CMSS1: variants seen among roughly 807,000 people sequenced by gnomAD.
The protein encoded by CMSS1 is cms1 ribosomal small subunit homolog.
A neutral mutation model predicts 43.5 loss-of-function variants in CMSS1; 33 were observed. That is an observed-to-expected ratio of 0.76 (90% CI 0.57 to 1.01). The LOEUF is 1.01. Among genes scored for constraint, CMSS1 ranks in the 50% least tolerant of loss-of-function variants. CMSS1 has a pLI of 0.00. For missense variants in CMSS1, 313 were observed against 326.4 expected (o/e 0.96, Z 0.32); for synonymous variants, 115 against 117.2 (o/e 0.98, Z 0.12).
chr3:99,822,681 G>A (rs1576488882), intron 1 of CMSS1, among the ~76,000 whole-genome samples: 1 of 151,986 alleles, frequency 6.6e-6, no homozygotes, highest in African/African-American at 2.4e-5. Flanking sequence ...GCAGTGAGCC[G>A]AGGTCGTGCC....
In CMSS1 at chr3:100,135,437, CATGTGT is replaced by C. The variant is rs1397429413; in HGVS notation, c.65-11535_65-11530del. On this transcript the variant is annotated intron_variant, in intron 1 of 9. Coordinates refer to ENST00000421999, the MANE Select transcript of CMSS1 (RefSeq NM_032359.4). ...CCTGAGGAGCCTTTGTGTGTGTGTG[CATGTGT>C]GTGTGTGTGTGTGTGTGTGTGTGTG... Among the ~76,000 whole-genome samples, 124 of 60,186 alleles carry C rather than the reference CATGTGT, an allele frequency of 2.1e-3. 1 individual carries two copies. Among genetic ancestry groups the C allele is most frequent in the African/African-American group, 5.4e-3 (86 of 16,012 alleles). The allele number at this position is 60,186 out of a possible 152,430, so 39.5% of individuals were successfully genotyped here. A position where few individuals can be genotyped will look rare whatever the true frequency, so the allele number is the denominator to read the frequency against.
chr3:100,070,068 A>G (rs1401713326), intron 1 of CMSS1, among the ~76,000 whole-genome samples: 1 of 152,258 alleles, frequency 6.6e-6, no homozygotes, highest in Non-Finnish European at 1.5e-5. Context: ...AAGGATGTAC[A>G]CATGGCACTG....
At chr3:100,074,878 G>C (rs2065825079) in intron 1 of CMSS1, among the ~76,000 whole-genome samples, 1 of 151,286 alleles carries the variant, frequency 6.6e-6, no homozygotes, top group African/African-American at 2.4e-5. Flanking sequence ...CTTTTTAATA[G>C]AGACAGGGTT....
At chr3:99,870,887 G>C (rs543803383) in intron 1 of CMSS1, among the ~76,000 whole-genome samples, 98 of 152,164 alleles carry the variant, frequency 6.4e-4, no homozygotes, top group Non-Finnish European at 1.1e-3. Flanking sequence ...GAGGCACAGA[G>C]ATTAGAGAAA....
At chr3:99,966,983 T>A (rs534907905) in intron 1 of CMSS1, among the ~76,000 whole-genome samples, 3 of 152,214 alleles carry the variant, frequency 2.0e-5, no homozygotes, top group African/African-American at 7.2e-5. Context: ...GGGGATTGGA[T>A]GGCTGTTAGG....
chr3:99,924,321 T>C (rs1232222076), intron 1 of CMSS1: 1 of 1,613,902 alleles, frequency 6.2e-7, no homozygotes, highest in Non-Finnish European at 8.5e-7. Flanking sequence ...AACTCCAATA[T>C]GGTTTGCCTA....
chr3:99,916,979 T>C (rs1415596613), intron 1 of CMSS1, among the ~76,000 whole-genome samples: 1 of 152,232 alleles, frequency 6.6e-6, no homozygotes, highest in East Asian at 1.9e-4. Context: ...TTTTCACTTA[T>C]GAGGCAAAAA....
chr3:99,820,445 C>T lies in CMSS1; in HGVS notation c.64+2402C>T, dbSNP rs182959948. 5.0e-4 allele frequency among the ~76,000 whole-genome samples: 76 copies of T among 152,286 alleles called. No homozygotes were observed. The East Asian group carries it at 0.013, about 26-fold the overall frequency. On this transcript the variant is annotated intron_variant, in intron 1 of 9. Coordinates refer to ENST00000421999, the MANE Select transcript of CMSS1 (RefSeq NM_032359.4). Reference sequence around the variant, plus strand: ...CTCCTGACCTGAAGTGATCTGCTCGCCTTGGCCTCCCAAAGTGCTGGGATT... The same window carrying T: ...CTCCTGACCTGAAGTGATCTGCTCGTCTTGGCCTCCCAAAGTGCTGGGATT...
chr3:100,091,102 G>A (rs757593266), intron 1 of CMSS1, among the ~76,000 whole-genome samples: 2 of 151,774 alleles, frequency 1.3e-5, no homozygotes, highest in African/African-American at 2.4e-5. Context: ...TGGCTAACAC[G>A]GTGAAACCCC....
At chr3:100,117,036 G>T (rs2066576170) in intron 1 of CMSS1, among the ~76,000 whole-genome samples, 1 of 152,116 alleles carries the variant, frequency 6.6e-6, no homozygotes, top group African/African-American at 2.4e-5. Context: ...AAGGTGTGAA[G>T]ATGTCATGGA....
chr3:100,005,601 G>T (rs192782890), intron 1 of CMSS1, among the ~76,000 whole-genome samples: 1 of 152,180 alleles, frequency 6.6e-6, no homozygotes, highest in African/African-American at 2.4e-5. Context: ...GAATTCCAAT[G>T]ATTCTAAAGT....
At chr3:100,107,637 C>G (rs1164716556) in intron 1 of CMSS1, among the ~76,000 whole-genome samples, 2 of 151,978 alleles carry the variant, frequency 1.3e-5, no homozygotes, top group African/African-American at 4.8e-5. Flanking sequence ...GTTGGAAATT[C>G]CTTGTTTTAA....
At chr3:100,077,862 C>T (rs1460552429) in intron 1 of CMSS1, among the ~76,000 whole-genome samples, 1 of 151,998 alleles carries the variant, frequency 6.6e-6, no homozygotes, top group East Asian at 1.9e-4. Flanking sequence ...AAGCTGTGTT[C>T]GCATCACTAC....
rs556652183 is a variant in CMSS1, at chr3:100,030,788, G to A, written c.65-116185G>A. 1.7e-4 allele frequency among the ~76,000 whole-genome samples: 26 copies of A among 152,268 alleles called. No homozygotes were observed. The South Asian group carries it at 5.0e-3, about 29-fold the overall frequency. On this transcript the variant is annotated intron_variant, in intron 1 of 9. Transcript: ENST00000421999. ...TGAAATCAATCCGTTTTCCCTCCCTGTAGCAAGGATGTGGTATGGCAAAAG... is the reference window on the plus strand; with the variant it reads ...TGAAATCAATCCGTTTTCCCTCCCTATAGCAAGGATGTGGTATGGCAAAAG...
chr3:100,014,635 C>T (rs974214125), intron 1 of CMSS1, among the ~76,000 whole-genome samples: 1 of 151,948 alleles, frequency 6.6e-6, no homozygotes, highest in African/African-American at 2.4e-5. Context: ...ATTTGGATGT[C>T]TTCTTTTGAG....
intron 1 of CMSS1, among the ~76,000 whole-genome samples, chr3:100,048,709 A>C (rs4928151): frequency 0.61 from 92,588 of 152,024 alleles, 28,340 homozygotes; most frequent in East Asian, 0.72. Context: ...AATCAAGTCC[A>C]GGTGGGTTTT....
intron 1 of CMSS1, among the ~76,000 whole-genome samples, chr3:100,145,938 G>C (rs2066845888): frequency 1.3e-5 from 2 of 152,212 alleles, no homozygotes; most frequent in South Asian, 2.1e-4. Flanking sequence ...CAGTCAAGTT[G>C]ACACATAAGA....
intron 1 of CMSS1, among the ~76,000 whole-genome samples, chr3:99,937,518 G>A (rs1037833647): frequency 2.0e-5 from 3 of 152,230 alleles, no homozygotes; most frequent in Non-Finnish European, 2.9e-5. Flanking sequence ...TTAAATCACA[G>A]CTCCAACATG....
At chr3:100,123,722 G>C (rs2066639950) in intron 1 of CMSS1, among the ~76,000 whole-genome samples, 1 of 152,128 alleles carries the variant, frequency 6.6e-6, no homozygotes. Context: ...ATTTCTCTCT[G>C]CCTGATGATT....
Sources: allele counts gnomAD v4.1 joint callset (sites outside exome capture counted in the v4.1 genomes callset), GRCh38; gene constraint gnomAD v4.1.1; transcripts MANE v1.5; gene names NCBI Gene and HGNC (gene_info 2026-07-23, HGNC 2026-07-21).